YEATS2: variants seen among roughly 807,000 people sequenced by gnomAD.
YEATS2 encodes YEATS domain-containing protein 2.
YEATS2 carries 77 observed loss-of-function variants against 163.2 expected under a neutral mutation model. The ratio of observed to expected loss-of-function variants is 0.47; its 90% CI spans 0.39 to 0.57. The LOEUF (loss-of-function observed/expected upper bound fraction) is 0.57. Ranked by LOEUF, YEATS2 falls within the 20% of genes least tolerant of loss-of-function variation. The pLI, the probability that YEATS2 is intolerant of heterozygous loss-of-function variation, is 0.00. For synonymous variants in YEATS2, 631 were observed against 645.1 expected, an observed-to-expected ratio of 0.98 and a Z score of 0.33; for missense variants, 1,549 against 1,729.8, an observed-to-expected ratio of 0.90 and a Z score of 1.85.
At chr3:183,786,341 T>A in intron 20 of YEATS2, 40 bp downstream of exon 20, 1 of 1,566,882 alleles carries the variant, frequency 6.4e-7, no homozygotes, top group Non-Finnish European at 8.7e-7. Context: ...TAATGAGACA[T>A]GAAAGTGGTG....
At chr3:183,713,912 T>C (rs1715535398) in intron 1 of YEATS2, among the ~76,000 whole-genome samples, 1 of 151,914 alleles carries the variant, frequency 6.6e-6, no homozygotes, top group Non-Finnish European at 1.5e-5. Context: ...TTCAAGCAAT[T>C]CTCCTGCCTC....
chr3:183,791,025 G>A lies in YEATS2; in HGVS notation c.3097+45G>A, dbSNP rs192319133. On this transcript the variant is annotated intron_variant, in intron 21 of 30. Coordinates refer to ENST00000305135, the MANE Select transcript of YEATS2 (RefSeq NM_018023.5). ...TATTTCTCTCTCTTTTCTCTCATTG[G>A]GCTGGAATATTTTTGTTTGTTTGTT... 44 of 1,589,758 alleles carry A rather than the reference G, an allele frequency of 2.8e-5. No individual in the cohort carries two copies. In the African/African-American group the frequency reaches 5.6e-4, roughly 20 times the overall value.
At chr3:183,800,280 C>T (rs1344179217) in intron 23 of YEATS2, among the ~76,000 whole-genome samples, 186 bp from the exon 24 acceptor site, 1 of 152,206 alleles carries the variant, frequency 6.6e-6, no homozygotes, top group Non-Finnish European at 1.5e-5. Flanking sequence ...CCCAGGCTAA[C>T]AGTTCTTCCC....
intron 8 of YEATS2, 30 bp from the exon 9 acceptor site, chr3:183,747,642 T>C (rs777994774): frequency 6.2e-7 from 1 of 1,603,162 alleles, no homozygotes; most frequent in South Asian, 1.1e-5. Flanking sequence ...TGCAGTGAAA[T>C]TTAACACTCT....
At chr3:183,716,920 T>C (rs1201214838) in intron 2 of YEATS2, among the ~76,000 whole-genome samples, 1 of 151,978 alleles carries the variant, frequency 6.6e-6, no homozygotes, top group Non-Finnish European at 1.5e-5. Flanking sequence ...CTTTTTTTTT[T>C]TTCGCTCTGT....
Position 183,728,755 on chromosome 3 carries a change from G to A in YEATS2, c.716G>A (p.Arg239Gln), listed in dbSNP as rs374598517. The change falls in exon 7 of 31, where the codon CGA becomes CAA. Residue 239 changes from arginine to glutamine, a missense_variant. By Grantham distance (43) the Arg-to-Gln change is conservative (BLOSUM62 1). Coordinates refer to ENST00000305135, the MANE Select transcript of YEATS2 (RefSeq NM_018023.5). ...QSTHKWMVYVRGSRREPSINH... is the reference protein window; with the variant it reads ...QSTHKWMVYVQGSRREPSINH... ...ACTCATAAGTGGATGGTATATGTCC[G>A]AGGGTCCCGTAGAGAACCCAGCATT... is the stretch of plus-strand genomic sequence containing the variant. 4.0e-5 allele frequency: 65 copies of A among 1,613,926 alleles called. No homozygotes were observed. The highest frequency in any genetic ancestry group is 5.4e-5 in the Non-Finnish European group (64 of 1,179,970).
At chr3:183,731,318 C>T (rs749553524) in intron 7 of YEATS2, among the ~76,000 whole-genome samples, 8 of 143,614 alleles carry the variant, frequency 5.6e-5, no homozygotes, top group African/African-American at 7.7e-5. Context: ...AAAAAAAAAG[C>T]GGAATATTTG....
At chr3:183,706,178 C>T (rs546728825) in intron 1 of YEATS2, among the ~76,000 whole-genome samples, 2 of 151,958 alleles carry the variant, frequency 1.3e-5, no homozygotes, top group South Asian at 4.1e-4. Flanking sequence ...GAGATTTCAG[C>T]TGGAATCTGA....
At chr3:183,725,474 T>G (rs1320376640) in intron 6 of YEATS2, among the ~76,000 whole-genome samples, 1 of 152,080 alleles carries the variant, frequency 6.6e-6, no homozygotes, top group African/African-American at 2.4e-5. Context: ...GAAAGAGGTT[T>G]GATTGACTCA....
intron 1 of YEATS2, among the ~76,000 whole-genome samples, chr3:183,699,688 G>A (rs895861950): frequency 6.6e-6 from 1 of 152,210 alleles, no homozygotes; most frequent in Non-Finnish European, 1.5e-5. Flanking sequence ...GGTAGAGGAA[G>A]AAGGTTGGGG....
chr3:183,761,323 G>A (rs1458220643), intron 13 of YEATS2, among the ~76,000 whole-genome samples, 184 bp from the exon 14 acceptor site: 1 of 152,104 alleles, frequency 6.6e-6, no homozygotes, highest in Non-Finnish European at 1.5e-5. Flanking sequence ...CCGACCTCAG[G>A]CGATCCACCC....
At chr3:183,792,750 C>G (rs942099050) in intron 21 of YEATS2, among the ~76,000 whole-genome samples, 6 of 152,146 alleles carry the variant, frequency 3.9e-5, no homozygotes, top group Admixed American at 3.9e-4. Flanking sequence ...CTCAGGTGAT[C>G]CGCCTACCTT....
At chr3:183,764,996 G>C (rs1192312410) in intron 15 of YEATS2, among the ~76,000 whole-genome samples, 1 of 152,110 alleles carries the variant, frequency 6.6e-6, no homozygotes, top group Non-Finnish European at 1.5e-5. Context: ...AAGTGTTTCT[G>C]CTGATTCATC....
At chr3:183,763,091 A>G (rs1478064211) in intron 15 of YEATS2, among the ~76,000 whole-genome samples, 1 of 151,680 alleles carries the variant, frequency 6.6e-6, no homozygotes, top group African/African-American at 2.4e-5. Flanking sequence ...AAAATAGCAC[A>G]TAGAGCCATG....
At chr3:183,803,548 A>T in intron 26 of YEATS2, 1 of 593,336 alleles carries the variant, frequency 1.7e-6, no homozygotes. Flanking sequence ...CAGTTTCTAA[A>T]TTTTTTTCTG....
chr3:183,793,629 T>TTTTTAG (rs1724876006), intron 21 of YEATS2: 1 of 219,178 alleles, frequency 4.6e-6, no homozygotes, highest in Non-Finnish European at 7.6e-6. Context: ...TTTTTTTTTT[T>TTTTTAG]GAGATGGAAT....
intron 1 of YEATS2, among the ~76,000 whole-genome samples, chr3:183,711,300 C>T (rs1715183145): frequency 6.6e-6 from 1 of 151,554 alleles, no homozygotes; most frequent in African/African-American, 2.4e-5. Flanking sequence ...AAAACCCCGT[C>T]TCCACAAAAA....
At chr3:183,796,264 C>G (rs1237249455) in intron 21 of YEATS2, among the ~76,000 whole-genome samples, 1 of 150,820 alleles carries the variant, frequency 6.6e-6, no homozygotes, top group Non-Finnish European at 1.5e-5. Context: ...TCCCAAAGTG[C>G]TGGGATTACA....
chr3:183,732,818 C>T (rs1264908022), intron 7 of YEATS2, among the ~76,000 whole-genome samples: 4 of 152,112 alleles, frequency 2.6e-5, no homozygotes, highest in African/African-American at 9.7e-5. Flanking sequence ...CTCGGCCTCC[C>T]AAAGTGCTGG....
Sources: allele counts gnomAD v4.1 joint callset (sites outside exome capture counted in the v4.1 genomes callset), GRCh38; gene constraint gnomAD v4.1.1; transcripts MANE v1.5; gene names NCBI Gene and HGNC (gene_info 2026-07-23, HGNC 2026-07-21).